Variants in EXOSC1 observed in about 807,000 individuals in gnomAD.
EXOSC1 encodes exosome complex component CSL4.
Under a neutral mutation model 31.4 loss-of-function variants are expected in EXOSC1, and 27 were observed. The ratio of observed to expected loss-of-function variants is 0.86; its 90% CI spans 0.63 to 1.18. The LOEUF is 1.18. EXOSC1 is among the 50% of genes most tolerant of loss of function. The probability of loss-of-function intolerance (pLI) is 0.00; values close to 1 mark genes in which losing one functional copy is unlikely to be tolerated. For missense variants in EXOSC1, 228 were observed against 250.3 expected (o/e 0.91, Z 0.60); for synonymous variants, 84 against 89.5 (o/e 0.94, Z 0.35).
chr10:97,437,960 C>T (rs1845596795), intron 5 of EXOSC1, among the ~76,000 whole-genome samples: 1 of 152,006 alleles, frequency 6.6e-6, no homozygotes, highest in South Asian at 2.1e-4. Context: ...CGCTCTGTCG[C>T]CCACACTGGA....
chr10:97,441,870 C>CA (rs1845729103), intron 3 of EXOSC1, among the ~76,000 whole-genome samples: 1 of 97,758 alleles, frequency 1.0e-5, no homozygotes, highest in Non-Finnish European at 2.1e-5. Context: ...AGATGGCTAA[C>CA]AATTAAAAAA....
chr10:97,439,101 A>T (rs1845637131), intron 4 of EXOSC1, among the ~76,000 whole-genome samples: 1 of 152,236 alleles, frequency 6.6e-6, no homozygotes, highest in African/African-American at 2.4e-5. Context: ...GAGCTACAAG[A>T]ACAGACAGAA....
At chr10:97,438,727 A>C (rs1845624238) in intron 4 of EXOSC1, 24 bp from the exon 5 acceptor site, 3 of 1,553,488 alleles carry the variant, frequency 1.9e-6, no homozygotes, top group African/African-American at 2.8e-5. Context: ...ATTAACAGAA[A>C]GATTAATTAC....
rs1309195835 is a variant in EXOSC1 at position 97,445,806 on chromosome 10, CGCTGCCCGG to C, written c.64_72del (p.Pro22_Ser24del). On this transcript the variant is annotated inframe_deletion, in exon 2 of 8. Transcript: ENST00000370902. ...ATGTAGCCGTGGCGGGTGTAGGTGC[CGCTGCCCGG>C]GCTGCCCTCCTCCAAGTTACACAGA... is the stretch of plus-strand genomic sequence containing the variant. 1 of 1,613,880 alleles carries C rather than the reference CGCTGCCCGG, an allele frequency of 6.2e-7. No individual in the cohort carries two copies. The highest frequency in any genetic ancestry group is 1.1e-5 in the South Asian group (1 of 91,082).
rs1845698379 is a variant in EXOSC1 at position 97,441,050 on chromosome 10, A to C, written c.311+121T>G. On this transcript the variant is annotated intron_variant, in intron 4 of 7. Coordinates refer to ENST00000370902, the MANE Select transcript of EXOSC1 (RefSeq NM_016046.5). ...ACTAGGGGAGAATCAAAGCACAAAG[A>C]AGAAAGAAAAACGGGCAAAAGAAAA... The C allele has an allele frequency of 4.0e-6, 3 of 751,582 alleles. No homozygotes were observed. In the Admixed American group the frequency reaches 8.3e-5, roughly 21 times the overall value. The allele number at this position is 751,582 out of a possible 1,614,324, so 46.6% of individuals were successfully genotyped here.
At chr10:97,437,097 T>C in intron 7 of EXOSC1, 94 bp downstream of exon 7, 1 of 1,090,610 alleles carries the variant, frequency 9.2e-7, no homozygotes, top group Non-Finnish European at 1.4e-6. Context: ...ATAGCCATAC[T>C]GCTTCCCAGA....
At chr10:97,444,477 C>T (rs2133160266) in intron 2 of EXOSC1, 1 of 152,360 alleles carries the variant, frequency 6.6e-6, no homozygotes, top group Admixed American at 6.5e-5. Context: ...GTCACTTCTG[C>T]TGACTAGGAT....
At chr10:97,438,588 T>C in intron 5 of EXOSC1, 82 bp downstream of exon 5, 3 of 1,302,022 alleles carry the variant, frequency 2.3e-6, no homozygotes, top group Non-Finnish European at 3.3e-6. Flanking sequence ...TACGGGTGTG[T>C]GTGACCATGC....
intron 2 of EXOSC1, 54 bp downstream of exon 2, chr10:97,445,678 T>A: frequency 6.4e-7 from 1 of 1,558,948 alleles, no homozygotes; most frequent in South Asian, 1.1e-5. Flanking sequence ...GGACTGGAAC[T>A]CAAGGGCAGC....
intron 6 of EXOSC1, 96 bp downstream of exon 6, chr10:97,437,604 T>C (rs748377518): frequency 8.4e-6 from 10 of 1,186,282 alleles, no homozygotes; most frequent in Admixed American, 5.3e-5. Flanking sequence ...CGCCCTGGCC[T>C]CCGAAAGTGC....
chr10:97,437,615 T>C, intron 6 of EXOSC1, 85 bp downstream of exon 6: 3 of 1,327,384 alleles, frequency 2.3e-6, no homozygotes, highest in Non-Finnish European at 3.2e-6. Flanking sequence ...CCGAAAGTGC[T>C]GGGATTACAG....
intron 6 of EXOSC1, 80 bp from the exon 7 acceptor site, chr10:97,437,355 C>CA: frequency 4.5e-6 from 4 of 891,148 alleles, no homozygotes; most frequent in Non-Finnish European, 6.7e-6. Flanking sequence ...GTTTTTCTAC[C>CA]TTTTTTTTTT....
rs1205185595 is a variant in EXOSC1, at chr10:97,445,825, C to T, written c.54G>A (p.Glu18=). The T allele has an allele frequency of 1.2e-6, 2 of 1,614,044 alleles. No homozygotes were observed. The highest frequency in any genetic ancestry group is 2.2e-5 in the East Asian group (1 of 44,876). Residue 18 remains glutamate (E), a synonymous_variant, in exon 2 of 8, where the codon GAG becomes GAA. Coordinates refer to ENST00000370902, the MANE Select transcript of EXOSC1 (RefSeq NM_016046.5). ...CIPGERLCNL[E]EGSPGSGTYT... ...AGGTGCCGCTGCCCGGGCTGCCCTCCTCCAAGTTACACAGACGTTCGCCTG... is the reference window on the plus strand; with the variant it reads ...AGGTGCCGCTGCCCGGGCTGCCCTCTTCCAAGTTACACAGACGTTCGCCTG...
Position 97,443,099 on chromosome 10 carries a change from A to G in EXOSC1, c.222+138T>C, listed in dbSNP as rs1293678607. 9.8e-6 allele frequency: 7 copies of G among 713,902 alleles called. No homozygotes were observed. The African/African-American group carries it at 1.1e-4, about 11-fold the overall frequency. The allele number at this position is 713,902 out of a possible 1,614,324, so 44.2% of individuals were successfully genotyped here. ...CTCGGCCTCTTAAAGTGCTAGAATT[A>G]CCAGTGTGAGCCACTGTGCCCTGCC... On this transcript the variant is annotated intron_variant, in intron 3 of 7. Coordinates refer to ENST00000370902, the MANE Select transcript of EXOSC1 (RefSeq NM_016046.5).
intron 2 of EXOSC1, 83 bp downstream of exon 2, chr10:97,445,649 C>A: frequency 7.7e-7 from 1 of 1,300,176 alleles, no homozygotes. Context: ...AAAGACGCGT[C>A]CGCAGTGCCC....
rs1284337985 is a variant in EXOSC1, at chr10:97,436,356, C to T, written c.*89G>A. On this transcript the variant is annotated 3_prime_UTR_variant, in exon 8 of 8. Transcript: ENST00000370902. ...GATTTTTCTGGAAGTGGCTGTTGGCCGACGCCAGGTGTTTGAATAAAGACA... is the reference window on the plus strand; with the variant it reads ...GATTTTTCTGGAAGTGGCTGTTGGCTGACGCCAGGTGTTTGAATAAAGACA... The T allele has an allele frequency of 3.0e-5, 29 of 972,356 alleles. No individual in the cohort carries two copies. Among genetic ancestry groups the T allele is most frequent in the Non-Finnish European group, 4.1e-5 (26 of 626,774 alleles). The allele number at this position is 972,356 out of a possible 1,614,324, so 60.2% of individuals were successfully genotyped here. A position where few individuals can be genotyped will look rare whatever the true frequency, so the allele number is the denominator to read the frequency against.
intron 4 of EXOSC1, among the ~76,000 whole-genome samples, chr10:97,439,856 T>C (rs1448236327): frequency 6.6e-6 from 1 of 152,182 alleles, no homozygotes; most frequent in Non-Finnish European, 1.5e-5. Context: ...ATGTTTGTCC[T>C]TTCTCAAGGA....
At chr10:97,445,626 C>T in intron 2 of EXOSC1, 106 bp downstream of exon 2, 2 of 970,148 alleles carry the variant, frequency 2.1e-6, no homozygotes, top group East Asian at 2.6e-5. Flanking sequence ...CAACATTGTA[C>T]CACTGAGGCA....
chr10:97,443,213 G>A (rs1000519724), intron 3 of EXOSC1, 24 bp downstream of exon 3: 1 of 1,600,064 alleles, frequency 6.2e-7, no homozygotes, highest in African/African-American at 1.3e-5. Context: ...GGCATTCTAA[G>A]CATGGAGGTC....
Sources: gnomAD v4.1 joint callset for allele counts (sites outside exome capture counted in the v4.1 genomes callset) on GRCh38, gnomAD v4.1.1 for gene constraint, MANE v1.5 for transcripts, NCBI Gene and HGNC (gene_info 2026-07-23, HGNC 2026-07-21) for gene names.